Variants in RHOBTB1 observed in about 807,000 individuals in gnomAD.
RHOBTB1 encodes the protein rho-related BTB domain-containing protein 1.
Under a neutral mutation model 71.6 loss-of-function variants are expected in RHOBTB1, and 40 were observed. The observed-to-expected ratio is 0.56, with a 90% CI of 0.43 to 0.73. RHOBTB1 has a LOEUF of 0.73. Among genes scored for constraint, RHOBTB1 ranks in the 30% least tolerant of loss-of-function variants. The pLI is 0.00. For synonymous variants in RHOBTB1, 319 were observed against 334.9 expected (o/e 0.95, Z 0.52); for missense variants, 797 against 894.0 (o/e 0.89, Z 1.38).
intron 4 of RHOBTB1, among the ~76,000 whole-genome samples, chr10:60,896,983 T>G (rs1268506161): frequency 6.6e-6 from 1 of 152,140 alleles, no homozygotes; most frequent in Non-Finnish European, 1.5e-5. Context: ...AAAGCATTTT[T>G]TTTCAGTTAT....
At position 60,899,296 on chromosome 10, in the gene RHOBTB1, C is replaced by T. The variant is rs76772759; in HGVS notation, c.297-6301G>A. Among the ~76,000 whole-genome samples the T allele has an allele frequency of 5.0e-3, 763 of 152,314 alleles. 5 individuals carry two copies. The highest frequency in any genetic ancestry group is 0.017 in the African/African-American group (722 of 41,582). On this transcript the variant is annotated intron_variant, in intron 4 of 10. Transcript: ENST00000337910. ...AAGTAAAGAAGGCTTGCTAAACAGACGAAGGTGAAATTGTGGTAATAAACT... is the reference window on the plus strand; with the variant it reads ...AAGTAAAGAAGGCTTGCTAAACAGATGAAGGTGAAATTGTGGTAATAAACT...
At position 60,965,996 on chromosome 10, in the gene RHOBTB1, A is replaced by T. The variant is rs189598653; in HGVS notation, c.-62+19849T>A. Among the ~76,000 whole-genome samples the T allele has an allele frequency of 4.3e-3, 661 of 152,298 alleles. 1 individual carries two copies. The highest frequency in any genetic ancestry group is 7.7e-3 in the Non-Finnish European group (521 of 68,010). On this transcript the variant is annotated intron_variant, in intron 2 of 11. Transcript: ENST00000357917. Reference sequence around the variant, plus strand: ...CAGGAATCTTACAGACAATAAATATATAATTTTAAAAACTGTGATGGGGAT... The same window carrying T: ...CAGGAATCTTACAGACAATAAATATTTAATTTTAAAAACTGTGATGGGGAT...
chr10:60,926,063 C>T (rs1054090207), intron 2 of RHOBTB1, among the ~76,000 whole-genome samples: 3 of 152,044 alleles, frequency 2.0e-5, no homozygotes, highest in African/African-American at 7.2e-5. Context: ...CACCCCGTCC[C>T]CCGTCTCTAC....
intron 2 of RHOBTB1, among the ~76,000 whole-genome samples, chr10:60,936,886 C>T (rs1002084873): frequency 2.0e-5 from 3 of 152,204 alleles, no homozygotes; most frequent in African/African-American, 7.2e-5. Flanking sequence ...GGTGAGTTCT[C>T]AGCACCTAGC....
chr10:60,964,004 C>T (rs572667638), intron 2 of RHOBTB1, among the ~76,000 whole-genome samples: 2 of 152,174 alleles, frequency 1.3e-5, no homozygotes, highest in African/African-American at 4.8e-5. Flanking sequence ...TCCCCACTGT[C>T]TCACAACATT....
chr10:60,874,906 T>A (rs1232404890), intron 9 of RHOBTB1, 48 bp downstream of exon 9: 1 of 1,249,544 alleles, frequency 8.0e-7, no homozygotes, highest in African/African-American at 1.5e-5. Flanking sequence ...CAGCATTAAA[T>A]GAACTGATTG....
chr10:60,891,847 C>A (rs1450020297), intron 5 of RHOBTB1, among the ~76,000 whole-genome samples: 1 of 152,158 alleles, frequency 6.6e-6, no homozygotes, highest in East Asian at 1.9e-4. Flanking sequence ...TTCCCATAAT[C>A]CCCATGTGTC....
In RHOBTB1 at chr10:60,990,143, T is replaced by C. The variant is rs565695890; in HGVS notation, c.-162-4198A>G. ...GACTACAGGCGCCCGCCACCACGCC[T>C]GGATAATTTTTTGTATTTTTTAGTA... On this transcript the variant is annotated intron_variant, in intron 1 of 11. Transcript: ENST00000357917. 4.1e-3 allele frequency among the ~76,000 whole-genome samples: 619 copies of C among 151,958 alleles called. 1 individual carries two copies. Among genetic ancestry groups the C allele is most frequent in the Non-Finnish European group, 6.8e-3 (460 of 67,958 alleles).
chr10:60,984,573 A>T (rs770076773), intron 2 of RHOBTB1, among the ~76,000 whole-genome samples: 2 of 152,192 alleles, frequency 1.3e-5, no homozygotes, highest in African/African-American at 2.4e-5. Context: ...TCAAATAAGC[A>T]ATTACTTTGG....
chr10:60,928,819 G>T (rs1400544314), intron 2 of RHOBTB1, among the ~76,000 whole-genome samples: 1 of 152,098 alleles, frequency 6.6e-6, no homozygotes, highest in East Asian at 1.9e-4. Context: ...AAATGCTTGA[G>T]GTTATGGAAA....
intron 2 of RHOBTB1, among the ~76,000 whole-genome samples, chr10:60,921,223 C>T (rs751778729): frequency 1.4e-4 from 22 of 152,142 alleles, no homozygotes; most frequent in Admixed American, 2.6e-4. Flanking sequence ...GCTGGGATTA[C>T]CAGCATGAGC....
chr10:60,971,668 T>C (rs554366958), intron 2 of RHOBTB1, among the ~76,000 whole-genome samples: 1 of 152,064 alleles, frequency 6.6e-6, no homozygotes, highest in Non-Finnish European at 1.5e-5. Context: ...CCAAAAGCAA[T>C]GGCAACAAAA....
intron 6 of RHOBTB1, among the ~76,000 whole-genome samples, chr10:60,886,722 G>C (rs970898394): frequency 3.8e-4 from 52 of 138,382 alleles, no homozygotes; most frequent in African/African-American, 6.5e-4. Flanking sequence ...AGATGTGGGG[G>C]GGGGTGGGTC....
At chr10:60,963,221 T>C (rs966450515) in intron 2 of RHOBTB1, among the ~76,000 whole-genome samples, 2 of 152,158 alleles carry the variant, frequency 1.3e-5, no homozygotes, top group Non-Finnish European at 2.9e-5. Flanking sequence ...CTCCGCTCCA[T>C]ACAGAGACCC....
chr10:60,900,951 G>T (rs1185621111), intron 4 of RHOBTB1, among the ~76,000 whole-genome samples: 11 of 152,068 alleles, frequency 7.2e-5, no homozygotes, highest in Admixed American at 2.6e-4. Flanking sequence ...GAATAATAAT[G>T]CATTAATAAT....
At chr10:60,876,267 A>C (rs971833344) in intron 8 of RHOBTB1, among the ~76,000 whole-genome samples, 1 of 152,258 alleles carries the variant, frequency 6.6e-6, no homozygotes, top group Non-Finnish European at 1.5e-5. Context: ...CAAAGCAAAT[A>C]CTATAAAGGA....
intron 4 of RHOBTB1, among the ~76,000 whole-genome samples, chr10:60,894,444 C>A (rs932062938): frequency 2.0e-5 from 3 of 152,082 alleles, no homozygotes; most frequent in African/African-American, 7.2e-5. Flanking sequence ...CAAAAATATG[C>A]ATAAATATAT....
chr10:60,941,610 C>G (rs1463083322), intron 2 of RHOBTB1, among the ~76,000 whole-genome samples, 194 bp downstream of exon 2: 1 of 152,090 alleles, frequency 6.6e-6, no homozygotes, highest in Non-Finnish European at 1.5e-5. Context: ...CATATTTGTA[C>G]CATTGTACTC....
chr10:60,905,542 T>A (rs1564894992), intron 4 of RHOBTB1, among the ~76,000 whole-genome samples: 1 of 147,136 alleles, frequency 6.8e-6, no homozygotes, highest in Non-Finnish European at 1.5e-5. Context: ...TCAGCATGAG[T>A]AACAGTGCCA....
Sources: allele counts gnomAD v4.1 joint callset (sites outside exome capture counted in the v4.1 genomes callset), GRCh38; gene constraint gnomAD v4.1.1; transcripts MANE v1.5; gene names NCBI Gene and HGNC (gene_info 2026-07-23, HGNC 2026-07-21).